Variants in SASS6 observed in about 807,000 individuals in gnomAD.
The protein encoded by SASS6 is SAS-6 centriolar assembly protein.
Under a neutral mutation model 94.9 loss-of-function variants are expected in SASS6, and 59 were observed. The observed-to-expected ratio is 0.62, with a 90% CI of 0.50 to 0.77. SASS6 has a LOEUF of 0.77. SASS6 is among the 30% of genes least tolerant of loss of function. The pLI is 0.00. For synonymous variants in SASS6, 264 were observed against 270.0 expected (o/e 0.98, Z 0.22); for missense variants, 698 against 734.1 (o/e 0.95, Z 0.57).
rs756409319 is a variant in SASS6, at chr1:100,085,311, A to G, written c.*17T>C. The G allele has an allele frequency of 1.3e-6, 2 of 1,491,384 alleles. No homozygotes were observed. Among genetic ancestry groups the G allele is most frequent in the Non-Finnish European group, 1.9e-6 (2 of 1,068,604 alleles). 92.4% of individuals were successfully genotyped at this position (1,491,384 alleles called of 1,614,324 possible). Reference sequence around the variant, plus strand: ...AGTTTCTAAAATACCAATAAAAAGTAAAACATGACACTAGAATTAACTGTT... The same window carrying G: ...AGTTTCTAAAATACCAATAAAAAGTGAAACATGACACTAGAATTAACTGTT... On this transcript the variant is annotated 3_prime_UTR_variant, in exon 17 of 17. Coordinates refer to ENST00000287482, the MANE Select transcript of SASS6 (RefSeq NM_194292.3).
At position 100,119,003 on chromosome 1, in the gene SASS6, C is replaced by T. The variant is rs1225010635; in HGVS notation, c.669+15G>A. ...CAATAAAAGATATTTTTTCAGTTTCCTTTAATGTTCTTACCTGCAAGGCTT... is the reference window on the plus strand; with the variant it reads ...CAATAAAAGATATTTTTTCAGTTTCTTTTAATGTTCTTACCTGCAAGGCTT... On this transcript the variant is annotated intron_variant, in intron 7 of 16. Transcript: ENST00000287482. The T allele has an allele frequency of 6.6e-7, 1 of 1,515,784 alleles. No individual in the cohort carries two copies. The highest frequency in any genetic ancestry group is 1.4e-5 in the African/African-American group (1 of 71,878). 93.9% of individuals were successfully genotyped at this position (1,515,784 alleles called of 1,614,324 possible). A position where few individuals can be genotyped will look rare whatever the true frequency, so the allele number is the denominator to read the frequency against.
chr1:100,091,519 A>C (rs1651683518), intron 14 of SASS6, among the ~76,000 whole-genome samples: 1 of 152,024 alleles, frequency 6.6e-6, no homozygotes, highest in African/African-American at 2.4e-5. Flanking sequence ...AACCAGAAGA[A>C]GTCAACCCCA....
At chr1:100,098,018 T>G (rs1652224860) in intron 14 of SASS6, among the ~76,000 whole-genome samples, 1 of 152,206 alleles carries the variant, frequency 6.6e-6, no homozygotes, top group Non-Finnish European at 1.5e-5. Flanking sequence ...AATATTGAAC[T>G]GTGGTATAGC....
At position 100,121,351 on chromosome 1, in the gene SASS6, A is replaced by G. The variant is rs200998559; in HGVS notation, c.483+27T>C. The G allele has an allele frequency of 6.9e-4, 971 of 1,400,600 alleles. 3 individuals are homozygous for G. The highest frequency in any genetic ancestry group is 1.7e-3 in the Middle Eastern group (8 of 4,790). The allele number at this position is 1,400,600 out of a possible 1,614,324, so 86.8% of individuals were successfully genotyped here. A position where few individuals can be genotyped will look rare whatever the true frequency, so the allele number is the denominator to read the frequency against. The stretch of plus-strand genomic sequence containing the variant: ...AAGACCATTGATACTTATTTTGTTA[A>G]AAGAATAACTTAAATTTAAATCTTA... On this transcript the variant is annotated intron_variant, in intron 5 of 16. Coordinates refer to ENST00000287482, the MANE Select transcript of SASS6 (RefSeq NM_194292.3).
intron 2 of SASS6, among the ~76,000 whole-genome samples, chr1:100,125,190 T>C (rs1251840534): frequency 2.0e-5 from 3 of 151,834 alleles, no homozygotes; most frequent in Non-Finnish European, 4.4e-5. Flanking sequence ...TTTTTACATT[T>C]ATACCATGAA....
chr1:100,128,106 G>A (rs1052854121), intron 1 of SASS6, among the ~76,000 whole-genome samples: 4 of 151,944 alleles, frequency 2.6e-5, no homozygotes, highest in Non-Finnish European at 5.9e-5. Context: ...GTGCGATCTT[G>A]GCTCACTGCA....
Position 100,132,868 on chromosome 1 carries a change from G to C in SASS6, c.-54C>G, listed in dbSNP as rs1470830302. On this transcript the variant is annotated 5_prime_UTR_variant, in exon 1 of 17. Transcript: ENST00000287482. ...GAAAAGCCCAACAGGCCCGGCCCTCGGGATTAGCCTGAGAGGTCCGGGTCC... is the reference window on the plus strand; with the variant it reads ...GAAAAGCCCAACAGGCCCGGCCCTCCGGATTAGCCTGAGAGGTCCGGGTCC... The C allele has an allele frequency of 2.6e-6, 4 of 1,517,568 alleles. No individual in the cohort carries two copies. The highest frequency in any genetic ancestry group is 3.7e-6 in the Non-Finnish European group (4 of 1,092,870). The allele number at this position is 1,517,568 out of a possible 1,614,324, so 94.0% of individuals were successfully genotyped here.
chr1:100,097,668 A>T (rs1203174221), intron 14 of SASS6, among the ~76,000 whole-genome samples: 1 of 152,106 alleles, frequency 6.6e-6, no homozygotes, highest in African/African-American at 2.4e-5. Flanking sequence ...CTACAAAAAA[A>T]TGCAAAAAAA....
intron 15 of SASS6, among the ~76,000 whole-genome samples, chr1:100,086,885 C>G (rs982237288): frequency 6.6e-5 from 10 of 152,214 alleles, no homozygotes; most frequent in Middle Eastern, 3.4e-3. Flanking sequence ...GATATTCTAC[C>G]ATTAACAGGA....
chr1:100,094,302 T>A (rs1004470685), intron 14 of SASS6, among the ~76,000 whole-genome samples: 1 of 152,146 alleles, frequency 6.6e-6, no homozygotes, highest in Non-Finnish European at 1.5e-5. Context: ...AAAAAATTAA[T>A]TCACAGCTGA....
chr1:100,092,504 G>A (rs1014203137), intron 14 of SASS6, among the ~76,000 whole-genome samples: 6 of 152,132 alleles, frequency 3.9e-5, no homozygotes, highest in Non-Finnish European at 7.4e-5. Flanking sequence ...AAAAGAACAA[G>A]AAGAACAGAA....
intron 7 of SASS6, among the ~76,000 whole-genome samples, chr1:100,114,041 T>C (rs1374817080): frequency 6.6e-6 from 1 of 151,600 alleles, no homozygotes; most frequent in Non-Finnish European, 1.5e-5. Flanking sequence ...AACACATAGA[T>C]GAAACACATG....
chr1:100,103,372 C>T (rs529641983), intron 13 of SASS6, among the ~76,000 whole-genome samples: 10 of 152,094 alleles, frequency 6.6e-5, no homozygotes, highest in Non-Finnish European at 8.8e-5. Context: ...CAACTTGTTT[C>T]ACTCTAAGTC....
At chr1:100,093,065 C>T (rs774071651) in intron 14 of SASS6, among the ~76,000 whole-genome samples, 6 of 150,138 alleles carry the variant, frequency 4.0e-5, no homozygotes, top group Non-Finnish European at 5.9e-5. Flanking sequence ...CTACACACTA[C>T]GAAAAGTATG....
intron 5 of SASS6, 53 bp downstream of exon 5, chr1:100,121,325 A>G: frequency 9.4e-7 from 1 of 1,066,756 alleles, no homozygotes; most frequent in Non-Finnish European, 1.4e-6. Flanking sequence ...ATAATTTATC[A>G]AAGACCATTG....
chr1:100,106,963 T>A lies in SASS6; in HGVS notation c.1357A>T (p.Thr453Ser). 1 of 1,436,104 alleles carries A rather than the reference T, an allele frequency of 7.0e-7. No individual in the cohort carries two copies. The highest frequency in any genetic ancestry group is 9.8e-7 in the Non-Finnish European group (1 of 1,021,560). 89.0% of individuals were successfully genotyped at this position (1,436,104 alleles called of 1,614,324 possible). Reference protein sequence around the residue: ...VCKLQEQLEATVKKLEESKQL... With the variant: ...VCKLQEQLEASVKKLEESKQL... ...TTGCTTTCTTCAAGTTTTTTAACTGTAGCTTCTAATTGTTCTTGTAATTTG... is the reference window on the plus strand; with the variant it reads ...TTGCTTTCTTCAAGTTTTTTAACTGAAGCTTCTAATTGTTCTTGTAATTTG... The change falls in exon 12 of 17, where the codon ACA (threonine) becomes TCA (serine). Residue 453 changes from threonine (T) to serine (S), a missense_variant. By Grantham distance (58) the Thr-to-Ser change is moderately conservative. Transcript: ENST00000287482.
chr1:100,123,317 GTT>G, intron 2 of SASS6, 28 bp from the exon 3 acceptor site: 1 of 1,106,996 alleles, frequency 9.0e-7, no homozygotes, highest in Non-Finnish European at 1.3e-6. Flanking sequence ...GTTTTTAAAT[GTT>G]TTTACTAGAT....
At chr1:100,108,515 T>C (rs1653080901) in intron 8 of SASS6, among the ~76,000 whole-genome samples, 1 of 152,040 alleles carries the variant, frequency 6.6e-6, no homozygotes, top group African/African-American at 2.4e-5. Flanking sequence ...TAAACAATAA[T>C]TGTTCATTAA....
intron 7 of SASS6, among the ~76,000 whole-genome samples, chr1:100,115,688 T>C (rs1653752007): frequency 6.6e-6 from 1 of 152,050 alleles, no homozygotes; most frequent in Non-Finnish European, 1.5e-5. Context: ...AATCAGCCGG[T>C]GTGGTGACAC....
Sources: allele counts gnomAD v4.1 joint callset (sites outside exome capture counted in the v4.1 genomes callset), GRCh38; gene constraint gnomAD v4.1.1; transcripts MANE v1.5; gene names NCBI Gene and HGNC (gene_info 2026-07-23, HGNC 2026-07-21).